Variants in RPA1 observed in about 807,000 individuals in gnomAD.
The protein encoded by RPA1 is replication protein A 70 kDa DNA-binding subunit.
In RPA1, 49 loss-of-function variants were observed where a neutral mutation model predicts 83.0. The ratio of observed to expected loss-of-function variants is 0.59; its 90% CI spans 0.47 to 0.75. The LOEUF (loss-of-function observed/expected upper bound fraction) is 0.75, where lower values mean the gene tolerates loss of function less well. Among genes scored for constraint, RPA1 ranks in the 30% least tolerant of loss-of-function variants. RPA1 has a pLI of 0.00. For missense variants in RPA1, 693 were observed against 776.1 expected (o/e 0.89, Z 1.27); for synonymous variants, 279 against 281.8 (o/e 0.99, Z 0.10).
chr17:1,889,765 C>T (rs1354425790), intron 14 of RPA1, among the ~76,000 whole-genome samples: 4 of 150,954 alleles, frequency 2.6e-5, no homozygotes, highest in East Asian at 2.0e-4. Flanking sequence ...TTTGGGAGGC[C>T]GAGGCGGGTG....
At position 1,843,614 on chromosome 17, in the gene RPA1, A is replaced by G. The variant is rs570916373; in HGVS notation, c.85-306A>G. ...TGGGTGCTTCATTATTATTATTATTATTATTATTATTATTATTATTATTTT... is the reference window on the plus strand; with the variant it reads ...TGGGTGCTTCATTATTATTATTATTGTTATTATTATTATTATTATTATTTT... On this transcript the variant is annotated intron_variant, in intron 2 of 16. Transcript: ENST00000254719. 6.3e-3 allele frequency among the ~76,000 whole-genome samples: 937 copies of G among 147,942 alleles called. 30 individuals carry two copies. Among genetic ancestry groups the G allele is most frequent in the South Asian group, 0.011 (54 of 4,700 alleles).
intron 1 of RPA1, among the ~76,000 whole-genome samples, chr17:1,832,436 G>C (rs1911654954): frequency 6.6e-6 from 1 of 151,812 alleles, no homozygotes; most frequent in Admixed American, 6.6e-5. Flanking sequence ...GCCCAGGCTG[G>C]AGTGCAGTGG....
At chr17:1,886,728 A>G (rs111363711) in intron 13 of RPA1, among the ~76,000 whole-genome samples, 7,556 of 126,788 alleles carry the variant, frequency 0.06, 736 homozygotes, top group African/African-American at 0.21. Context: ...TTTTTTTGAG[A>G]CAGAGTCTCA....
rs28365830 is a variant in RPA1 at position 1,830,037 on chromosome 17, CG to C, written c.-54del. 3.1e-4 allele frequency: 392 copies of C among 1,245,560 alleles called. 3 individuals are homozygous for C. In the East Asian group the frequency reaches 9.9e-3, roughly 31 times the overall value. 77.2% of individuals were successfully genotyped at this position (1,245,560 alleles called of 1,614,324 possible). A position where few individuals can be genotyped will look rare whatever the true frequency, so the allele number is the denominator to read the frequency against. ...CAATAACTGCGCAGCGCGCGGGACC[CG>C]GGTGGGGAAGCTGGAGCTGTTGCGG... On this transcript the variant is annotated 5_prime_UTR_variant, in exon 1 of 17. Transcript: ENST00000254719.
chr17:1,859,851 T>G (rs1263197079), intron 5 of RPA1, among the ~76,000 whole-genome samples: 1 of 152,162 alleles, frequency 6.6e-6, no homozygotes, highest in Non-Finnish European at 1.5e-5. Context: ...TCTCACTCTG[T>G]TGCCAGGCTG....
At chr17:1,896,250 A>G (rs1914416314) in intron 16 of RPA1, among the ~76,000 whole-genome samples, 1 of 152,184 alleles carries the variant, frequency 6.6e-6, no homozygotes, top group Non-Finnish European at 1.5e-5. Flanking sequence ...CATGCTTACG[A>G]GTATCACGGG....
chr17:1,882,983 C>T (rs767675113), intron 12 of RPA1, among the ~76,000 whole-genome samples: 1 of 152,124 alleles, frequency 6.6e-6, no homozygotes, highest in Non-Finnish European at 1.5e-5. Flanking sequence ...CACTGGGGGG[C>T]ATCAAAGCAA....
chr17:1,877,061 T>C (rs1913598373), intron 7 of RPA1, 151 bp from the exon 8 acceptor site: 6 of 672,164 alleles, frequency 8.9e-6, no homozygotes, highest in South Asian at 7.2e-5. Flanking sequence ...GTCAAACCCA[T>C]GTGTCATCTT....
intron 4 of RPA1, among the ~76,000 whole-genome samples, chr17:1,845,781 A>G (rs1367749731): frequency 6.6e-6 from 1 of 152,080 alleles, no homozygotes; most frequent in African/African-American, 2.4e-5. Context: ...AAAAAGGAAA[A>G]GTTAGCTGGG....
At chr17:1,878,082 T>C (rs1297633368) in intron 8 of RPA1, among the ~76,000 whole-genome samples, 2 of 151,978 alleles carry the variant, frequency 1.3e-5, no homozygotes. Flanking sequence ...AATACAAAAA[T>C]TAGCTGGGTA....
At chr17:1,840,349 C>T (rs952060128) in intron 1 of RPA1, among the ~76,000 whole-genome samples, 30 of 151,976 alleles carry the variant, frequency 2.0e-4, no homozygotes, top group Non-Finnish European at 2.6e-4. Flanking sequence ...TGCAGTGGCG[C>T]GATCTCAGCT....
chr17:1,879,238 C>G lies in RPA1; in HGVS notation c.783C>G (p.Thr261=). 6.2e-7 allele frequency: 1 copy of G among 1,613,826 alleles called. No homozygotes were observed. Among genetic ancestry groups the G allele is most frequent in the East Asian group, 2.2e-5 (1 of 44,872 alleles). Reference sequence around the variant, plus strand: ...AGGTGTATTATTTCTCGAAAGGCACCCTGAAGATTGCTAACAAGCAGTTCA... The same window carrying G: ...AGGTGTATTATTTCTCGAAAGGCACGCTGAAGATTGCTAACAAGCAGTTCA... ...VNKVYYFSKG[T]LKIANKQFTA... The change falls in exon 10 of 17, where the codon ACC becomes ACG. Residue 261 remains threonine (T), a synonymous_variant. Coordinates refer to ENST00000254719, the MANE Select transcript of RPA1 (RefSeq NM_002945.5).
intron 1 of RPA1, among the ~76,000 whole-genome samples, chr17:1,833,016 T>G (rs1304836475): frequency 6.6e-6 from 1 of 152,208 alleles, no homozygotes; most frequent in East Asian, 1.9e-4. Context: ...AACCTCTGCC[T>G]CCCGGGTTCA....
chr17:1,889,774 T>C (rs1597459797), intron 14 of RPA1, among the ~76,000 whole-genome samples: 2 of 150,078 alleles, frequency 1.3e-5, no homozygotes, highest in East Asian at 4.0e-4. Context: ...CCGAGGCGGG[T>C]GCGTCACCTG....
chr17:1,859,706 G>T (rs981363459), intron 5 of RPA1, among the ~76,000 whole-genome samples: 12 of 152,012 alleles, frequency 7.9e-5, no homozygotes, highest in African/African-American at 2.9e-4. Context: ...TCACGGCTCA[G>T]TGCAGCCTCA....
chr17:1,858,755 G>A (rs910710699), intron 5 of RPA1, among the ~76,000 whole-genome samples: 7 of 151,468 alleles, frequency 4.6e-5, no homozygotes, highest in African/African-American at 1.5e-4. Context: ...ATGAGCCATC[G>A]TGCCAGCCAA....
At chr17:1,836,406 G>A (rs942949081) in intron 1 of RPA1, among the ~76,000 whole-genome samples, 9 of 152,100 alleles carry the variant, frequency 5.9e-5, no homozygotes, top group Middle Eastern at 3.4e-3. Context: ...CACCATGCCC[G>A]GCCAAATTGC....
chr17:1,872,477 C>A lies in RPA1; in HGVS notation c.405C>A (p.Ser135Arg). 6.2e-7 allele frequency: 1 copy of A among 1,613,998 alleles called. No homozygotes were observed. ...TAGCTCCTCCAGCGCCAGCAGCCAG[C>A]CCAGCAGCAAGCAGCAGGCCCCAGC... ...PQVAPPAPAA[S>R]PAASSRPQPQ... is the part of the protein sequence containing the mutation. The change falls in exon 6 of 17, where the codon AGC becomes AGA. Residue 135 changes from serine to arginine, a missense_variant. Ser to Arg is a moderately radical substitution (Grantham distance 110). Transcript: ENST00000254719.
intron 5 of RPA1, among the ~76,000 whole-genome samples, chr17:1,871,881 C>T (rs983664757): frequency 3.9e-5 from 6 of 152,142 alleles, no homozygotes; most frequent in Non-Finnish European, 7.3e-5. Flanking sequence ...TTTCAACTTG[C>T]CTTTTCCACC....
Sources: allele counts gnomAD v4.1 joint callset (sites outside exome capture counted in the v4.1 genomes callset), GRCh38; gene constraint gnomAD v4.1.1; transcripts MANE v1.5; gene names NCBI Gene and HGNC (gene_info 2026-07-23, HGNC 2026-07-21).